B4GALT1: variants seen among roughly 807,000 people sequenced by gnomAD.
The protein encoded by B4GALT1 is N-acetyllactosamine synthase.
In B4GALT1, 16 loss-of-function variants were observed where a neutral mutation model predicts 34.9. That is an observed-to-expected ratio of 0.46 (90% CI 0.31 to 0.70). B4GALT1 has a LOEUF of 0.70. Ranked by LOEUF, B4GALT1 falls within the 30% of genes least tolerant of loss-of-function variation. The pLI is 0.05. For synonymous variants in B4GALT1, 221 were observed against 218.1 expected (o/e 1.01, Z -0.12); for missense variants, 445 against 530.5 (o/e 0.84, Z 1.58).
At chr9:33,143,316 CTT>C (rs1554687456) in intron 1 of B4GALT1, among the ~76,000 whole-genome samples, 11 of 152,190 alleles carry the variant, frequency 7.2e-5, no homozygotes, top group Non-Finnish European at 1.3e-4. Flanking sequence ...ACCTGCCACA[CTT>C]GGTAGTTCTT....
Position 33,113,183 on chromosome 9 carries a change from T to C in B4GALT1, c.*271A>G. ...CACGGCCACCAAATTTTGGGATGTG[T>C]ACAGTTCTGACTCTGGGGTGACACT... On this transcript the variant is annotated 3_prime_UTR_variant, in exon 6 of 6. Transcript: ENST00000379731. 1 of 514,070 alleles carries C rather than the reference T, an allele frequency of 1.9e-6. No homozygotes were observed. The highest frequency in any genetic ancestry group is 3.5e-6 in the Non-Finnish European group (1 of 282,208). The allele number at this position is 514,070 out of a possible 1,614,324, so 31.8% of individuals were successfully genotyped here. A position where few individuals can be genotyped will look rare whatever the true frequency, so the allele number is the denominator to read the frequency against.
intron 2 of B4GALT1, among the ~76,000 whole-genome samples, chr9:33,128,363 T>C (rs1175865015): frequency 6.6e-6 from 1 of 152,138 alleles, no homozygotes; most frequent in Non-Finnish European, 1.5e-5. Context: ...ACTGTTCCAA[T>C]GCAAAAACAA....
At position 33,141,126 on chromosome 9, in the gene B4GALT1, C is replaced by T. The variant is rs180686127; in HGVS notation, c.413-5702G>A. On this transcript the variant is annotated intron_variant, in intron 1 of 5. Transcript: ENST00000379731. Reference sequence around the variant, plus strand: ...ACATCCATTCATATTCAAACATGTACCCAGTTAGTATGTATCATGTGCCAG... The same window carrying T: ...ACATCCATTCATATTCAAACATGTATCCAGTTAGTATGTATCATGTGCCAG... Among the ~76,000 whole-genome samples the T allele has an allele frequency of 2.0e-4, 30 of 152,292 alleles. No homozygotes were observed. In the East Asian group the frequency reaches 3.9e-3, roughly 20 times the overall value.
intron 2 of B4GALT1, among the ~76,000 whole-genome samples, chr9:33,125,219 G>A (rs1332137625): frequency 6.6e-6 from 1 of 152,194 alleles, no homozygotes; most frequent in Non-Finnish European, 1.5e-5. Flanking sequence ...GGGAGAGAAG[G>A]CATCTGTAGG....
chr9:33,153,620 G>A (rs764530632), intron 1 of B4GALT1, among the ~76,000 whole-genome samples: 2 of 152,106 alleles, frequency 1.3e-5, no homozygotes, highest in Non-Finnish European at 2.9e-5. Flanking sequence ...CTTAGATGAA[G>A]CAAACTCCTT....
At chr9:33,119,768 TA>T (rs1477306239) in intron 3 of B4GALT1, among the ~76,000 whole-genome samples, 2 of 151,806 alleles carry the variant, frequency 1.3e-5, no homozygotes, top group African/African-American at 4.8e-5. Context: ...ACAAGCTAAA[TA>T]ATTCAGTGGG....
At chr9:33,150,923 C>T (rs985617817) in intron 1 of B4GALT1, among the ~76,000 whole-genome samples, 36 of 152,034 alleles carry the variant, frequency 2.4e-4, no homozygotes, top group African/African-American at 8.7e-4. Flanking sequence ...CATGAGTAGA[C>T]CCCAATGATG....
chr9:33,110,463 G>T (rs1012227023), downstream of B4GALT1, among the ~76,000 whole-genome samples: 1 of 152,186 alleles, frequency 6.6e-6, no homozygotes, highest in Non-Finnish European at 1.5e-5. Context: ...CCTCAAAAAA[G>T]TCCCTATGTG....
At position 33,135,296 on chromosome 9, in the gene B4GALT1, T is replaced by C. The variant is rs768565430; in HGVS notation, c.541A>G (p.Ile181Val). The C allele has an allele frequency of 6.8e-6, 11 of 1,614,076 alleles. No individual in the cohort carries two copies. In the Admixed American group the frequency reaches 8.3e-5, roughly 12 times the overall value. Reference sequence around the variant, plus strand: ...TCCTGCCGGTTGCGGAATGGAATGATGATGGCCACCTTGTGAGGAGAGACG... The same window carrying C: ...TCCTGCCGGTTGCGGAATGGAATGACGATGGCCACCTTGTGAGGAGAGACG... ...DCVSPHKVAI[I>V]IPFRNRQEHL... Residue 181 changes from isoleucine (I) to valine (V), a missense_variant, in exon 2 of 6, where the codon ATC (isoleucine) becomes GTC (valine). Physicochemically the swap from Ile to Val is conservative, Grantham distance 29 (BLOSUM62 3). Transcript: ENST00000379731.
intron 1 of B4GALT1, among the ~76,000 whole-genome samples, chr9:33,158,983 G>T (rs1315535403): frequency 6.6e-6 from 1 of 152,096 alleles, no homozygotes; most frequent in Non-Finnish European, 1.5e-5. Context: ...ACCTATTCTT[G>T]GGCAGGCAGG....
At chr9:33,150,393 T>G (rs1486330128) in intron 1 of B4GALT1, among the ~76,000 whole-genome samples, 2 of 135,742 alleles carry the variant, frequency 1.5e-5, no homozygotes, top group Admixed American at 1.4e-4. Flanking sequence ...TCTGAAGTTA[T>G]GTCAAACTTT....
intron 2 of B4GALT1, among the ~76,000 whole-genome samples, chr9:33,132,797 C>CCCA (rs1587736615): frequency 6.6e-6 from 1 of 152,320 alleles, no homozygotes; most frequent in East Asian, 1.9e-4. Context: ...GACGTAGCAT[C>CCCA]CCACCCTCCA....
At chr9:33,116,230 GT>G in intron 3 of B4GALT1, 117 bp from the exon 4 acceptor site, 1 of 1,257,444 alleles carries the variant, frequency 8.0e-7, no homozygotes, top group Non-Finnish European at 1.1e-6. Context: ...CTTCTCTAGA[GT>G]TTTTATTTAT....
chr9:33,128,707 C>A (rs759086087), intron 2 of B4GALT1, among the ~76,000 whole-genome samples: 2 of 152,198 alleles, frequency 1.3e-5, no homozygotes, highest in Non-Finnish European at 2.9e-5. Context: ...GCACTGACAG[C>A]TGAGGTAGAA....
intron 1 of B4GALT1, among the ~76,000 whole-genome samples, chr9:33,149,734 C>T (rs539512215): frequency 2.0e-5 from 3 of 152,300 alleles, no homozygotes; most frequent in Admixed American, 2.0e-4. Flanking sequence ...AAGAACTCAG[C>T]ATCATTTCAG....
At position 33,161,223 on chromosome 9, in the gene B4GALT1, G is replaced by A. The variant is rs191388138; in HGVS notation, c.412+5535C>T. Among the ~76,000 whole-genome samples the A allele has an allele frequency of 3.3e-3, 495 of 152,258 alleles. 3 individuals carry two copies. The highest frequency in any genetic ancestry group is 0.011 in the African/African-American group (474 of 41,542). The stretch of plus-strand genomic sequence containing the variant: ...GGAAGGGGCGGGCTGAGGCCAAGCC[G>A]CAAAGTGGAACCTGAAGCACTGAGT... On this transcript the variant is annotated intron_variant, in intron 1 of 5. Transcript: ENST00000379731.
At chr9:33,181,423 T>TACACACACACAC in the B4GALT1 span, among the ~76,000 whole-genome samples, 3,879 of 137,056 alleles carry the variant, frequency 0.028, 110 homozygotes, top group South Asian at 0.056. Flanking sequence ...GACCCTGTCT[T>TACACACACACAC]ACACACACAC....
the B4GALT1 span, among the ~76,000 whole-genome samples, chr9:33,181,423 T>TAAACACAC: frequency 2.9e-5 from 4 of 137,148 alleles, no homozygotes; most frequent in Admixed American, 1.5e-4. Flanking sequence ...GACCCTGTCT[T>TAAACACAC]ACACACACAC....
At chr9:33,169,093 C>T (rs531110806), upstream of B4GALT1, among the ~76,000 whole-genome samples, 5 of 152,352 alleles carry the variant, frequency 3.3e-5, no homozygotes, top group African/African-American at 1.2e-4. Flanking sequence ...CATCATCTTG[C>T]CCTGGGTTAT....
Sources: allele counts gnomAD v4.1 joint callset (sites outside exome capture counted in the v4.1 genomes callset), GRCh38; gene constraint gnomAD v4.1.1; transcripts MANE v1.5; gene names NCBI Gene and HGNC (gene_info 2026-07-23, HGNC 2026-07-21).